The following HACL1 variants were observed in gnomAD, a reference collection of about 807,000 sequenced individuals.
The protein encoded by HACL1 is 1600020H07Rik.
HACL1 carries 64 observed loss-of-function variants against 74.2 expected under a neutral mutation model. The observed-to-expected ratio is 0.86, with a 90% CI of 0.70 to 1.06. The LOEUF (loss-of-function observed/expected upper bound fraction) is 1.06, where lower values mean the gene tolerates loss of function less well. HACL1 is among the 50% of genes least tolerant of loss of function. The pLI is 0.00. For missense variants in HACL1, 728 were observed against 719.7 expected (o/e 1.01, Z -0.13); for synonymous variants, 230 against 238.8 (o/e 0.96, Z 0.34).
At chr3:15,581,047 G>A (rs1404120895) in intron 8 of HACL1, among the ~76,000 whole-genome samples, 10 of 152,278 alleles carry the variant, frequency 6.6e-5, no homozygotes, top group African/African-American at 9.6e-5. Flanking sequence ...GATTACAGGC[G>A]CCTGCCACCA....
rs530829619 is a variant in HACL1 at position 15,597,427 on chromosome 3, T to C, written c.187-1003A>G. ...TCATAATCAGGAAGAGAGGGGGCAC[T>C]AAATTAAATGCACACAAGATAACCT... On this transcript the variant is annotated intron_variant, in intron 2 of 16. Transcript: ENST00000321169. Among the ~76,000 whole-genome samples, 5 of 152,256 alleles carry C rather than the reference T, an allele frequency of 3.3e-5. No homozygotes were observed. In the South Asian group the frequency reaches 1.0e-3, roughly 32 times the overall value.
chr3:15,565,375 C>T (rs1188870676), intron 14 of HACL1, among the ~76,000 whole-genome samples: 1 of 152,198 alleles, frequency 6.6e-6, no homozygotes, highest in Non-Finnish European at 1.5e-5. Context: ...TCCCCACAGA[C>T]ACCCAGCTCT....
intron 12 of HACL1, among the ~76,000 whole-genome samples, 185 bp from the exon 13 acceptor site, chr3:15,568,771 G>A (rs2063476586): frequency 6.6e-6 from 1 of 152,198 alleles, no homozygotes; most frequent in African/African-American, 2.4e-5. Context: ...GGGGACATGT[G>A]TACCACAGTC....
chr3:15,569,988 C>T (rs531977090), intron 12 of HACL1, among the ~76,000 whole-genome samples: 2 of 147,638 alleles, frequency 1.4e-5, no homozygotes, highest in African/African-American at 5.0e-5. Flanking sequence ...GAAACTCCAT[C>T]TCAAAAAAAA....
At chr3:15,570,508 A>T (rs2063508443) in intron 12 of HACL1, among the ~76,000 whole-genome samples, 3 of 151,532 alleles carry the variant, frequency 2.0e-5, no homozygotes, top group Admixed American at 6.6e-5. Context: ...ACCAGTAAGA[A>T]ACACTGGTGG....
chr3:15,582,516 A>G (rs2063731318), intron 8 of HACL1, among the ~76,000 whole-genome samples: 1 of 152,222 alleles, frequency 6.6e-6, no homozygotes, highest in African/African-American at 2.4e-5. Flanking sequence ...ACGGTCTATA[A>G]TATGAGCACA....
chr3:15,593,135 A>ATGTGTG (rs1170024823), intron 3 of HACL1, among the ~76,000 whole-genome samples: 1 of 125,890 alleles, frequency 7.9e-6, no homozygotes, highest in Non-Finnish European at 1.6e-5. Context: ...ATACGTATAT[A>ATGTGTG]TGTATATATA....
intron 8 of HACL1, among the ~76,000 whole-genome samples, chr3:15,581,122 G>A (rs1559554791): frequency 6.6e-6 from 1 of 152,102 alleles, no homozygotes; most frequent in Non-Finnish European, 1.5e-5. Flanking sequence ...GGATGGTCTC[G>A]AACTCCTGAC....
rs1559548058 is a variant in HACL1 at position 15,568,411 on chromosome 3, TTTC to T, written c.1250+18_1250+20del. 5 of 1,478,786 alleles carry T rather than the reference TTTC, an allele frequency of 3.4e-6. No homozygotes were observed. Among genetic ancestry groups the T allele is most frequent in the Non-Finnish European group, 4.6e-6 (5 of 1,080,072 alleles). 91.6% of individuals were successfully genotyped at this position (1,478,786 alleles called of 1,614,324 possible). On this transcript the variant is annotated intron_variant, in intron 13 of 16. Transcript: ENST00000321169. ...ACACATTATAATGAATTACGACTTC[TTTC>T]TTCTTTAGAAGTCTTACCTGTGACG... is the stretch of plus-strand genomic sequence containing the variant.
chr3:15,582,793 T>A (rs1047969568), intron 8 of HACL1, 84 bp downstream of exon 8: 1 of 676,032 alleles, frequency 1.5e-6, no homozygotes. Context: ...AACATTAGAA[T>A]AGACATTAAT....
intron 2 of HACL1, among the ~76,000 whole-genome samples, chr3:15,599,985 C>T (rs1387830784): frequency 6.6e-6 from 1 of 152,034 alleles, no homozygotes; most frequent in East Asian, 1.9e-4. Context: ...GTTGTTCTAA[C>T]AAAGACAAGT....
At chr3:15,566,890 C>T (rs1207349709) in intron 14 of HACL1, among the ~76,000 whole-genome samples, 1 of 141,600 alleles carries the variant, frequency 7.1e-6, no homozygotes, top group Admixed American at 7.5e-5. Flanking sequence ...GCGATCTTGG[C>T]TCACTGCAAA....
intron 7 of HACL1, among the ~76,000 whole-genome samples, chr3:15,584,495 G>T (rs1274884905): frequency 6.6e-6 from 1 of 152,156 alleles, no homozygotes; most frequent in Non-Finnish European, 1.5e-5. Context: ...GGCTGAGGCA[G>T]GAGAATCGCT....
Position 15,592,405 on chromosome 3 carries a change from GAC to G in HACL1, c.228-727_228-726del, listed in dbSNP as rs747183958. ...GTATACACACACGTGTATACATGTA[GAC>G]ACACGTATACACACACGTATGCATG... On this transcript the variant is annotated intron_variant, in intron 3 of 16. Coordinates refer to ENST00000321169, the MANE Select transcript of HACL1 (RefSeq NM_012260.4). Among the ~76,000 whole-genome samples, 203 of 149,954 alleles carry G rather than the reference GAC, an allele frequency of 1.4e-3. 1 individual carries two copies. Among genetic ancestry groups the G allele is most frequent in the Admixed American group, 2.0e-3 (30 of 15,080 alleles).
chr3:15,579,852 T>G, intron 9 of HACL1, 58 bp downstream of exon 9: 1 of 1,277,716 alleles, frequency 7.8e-7, no homozygotes, highest in South Asian at 1.4e-5. Flanking sequence ...CACAAAATAA[T>G]TTAAATTAGC....
intron 14 of HACL1, among the ~76,000 whole-genome samples, chr3:15,565,737 A>G (rs747204371): frequency 2.0e-5 from 3 of 152,188 alleles, no homozygotes; most frequent in Non-Finnish European, 4.4e-5. Context: ...TTTTTTGTGT[A>G]TATCACTTGG....
intron 1 of HACL1, 93 bp downstream of exon 1, chr3:15,601,289 AC>A: frequency 1.3e-6 from 2 of 1,574,358 alleles, no homozygotes; most frequent in Non-Finnish European, 8.7e-7. Context: ...AAACCCCCCG[AC>A]CCCCATCGCC....
intron 11 of HACL1, among the ~76,000 whole-genome samples, chr3:15,572,174 C>T (rs954355813): frequency 4.6e-5 from 7 of 152,036 alleles, no homozygotes; most frequent in East Asian, 3.9e-4. Flanking sequence ...CATATTAACA[C>T]GGAAGTATCT....
rs780531052 is a variant in HACL1, at chr3:15,573,210, A to G, written c.942T>C (p.Asn314=). 2.5e-6 allele frequency: 4 copies of G among 1,609,454 alleles called. No homozygotes were observed. The highest frequency in any genetic ancestry group is 2.2e-5 in the South Asian group (2 of 90,988). The change falls in exon 11 of 17, where the codon AAT becomes AAC. Residue 314 remains asparagine (N), a synonymous_variant. Coordinates refer to ENST00000321169, the MANE Select transcript of HACL1 (RefSeq NM_012260.4). ...CTAGCAAAGTAACAGCGGGCTTTAC[A>G]TTATTCCCCAATTCTTCTGCACAGA... The part of the protein sequence containing the change: ...VDICAEELGN[N]VKPAVTLLGN...
Sources: gnomAD v4.1 joint callset for allele counts (sites outside exome capture counted in the v4.1 genomes callset) on GRCh38, gnomAD v4.1.1 for gene constraint, MANE v1.5 for transcripts, NCBI Gene and HGNC (gene_info 2026-07-23, HGNC 2026-07-21) for gene names.